NEB: variants seen among roughly 807,000 people sequenced by gnomAD.
NEB encodes nemaline myopathy type 2.
A neutral mutation model predicts 952.2 loss-of-function variants in NEB; 512 were observed. That is an observed-to-expected ratio of 0.54 (90% confidence interval 0.50 to 0.58). The LOEUF (loss-of-function observed/expected upper bound fraction) is 0.58, where lower values mean the gene tolerates loss of function less well. Among genes scored for constraint, NEB ranks in the 20% least tolerant of loss-of-function variants. The pLI is 0.00. For synonymous variants in NEB, 2,900 were observed against 3,149.8 expected, an observed-to-expected ratio of 0.92 and a Z score of 2.66; for missense variants, 8,428 against 9,231.1, an observed-to-expected ratio of 0.91 and a Z score of 3.56.
chr2:151,549,782 C>A, intron 129 of NEB, 42 bp from the exon 130 acceptor site: 1 of 1,185,008 alleles, frequency 8.4e-7, no homozygotes, highest in East Asian at 2.5e-5. Context: ...CATCGGGCAT[C>A]AAGTAACTGA....
intron 105 of NEB, 35 bp from the exon 106 acceptor site, chr2:151,576,389 T>C (rs905251810): frequency 6.6e-7 from 1 of 1,526,194 alleles, no homozygotes; most frequent in Non-Finnish European, 8.9e-7. Context: ...GCAGGGTTTG[T>C]GTTTTGTTGT....
chr2:151,486,044 A>T, intron 181 of NEB, 111 bp from the exon 182 acceptor site: 1 of 1,113,916 alleles, frequency 9.0e-7, no homozygotes, highest in South Asian at 1.5e-5. Context: ...AAGTTGAACA[A>T]AAGAGAATGT....
At chr2:151,574,035 G>A (rs1247170778) in intron 107 of NEB, among the ~76,000 whole-genome samples, 2 of 152,036 alleles carry the variant, frequency 1.3e-5, no homozygotes, top group African/African-American at 2.4e-5. Flanking sequence ...GTACAGTGGC[G>A]TGATCTCGGC....
chr2:151,568,446 G>A (rs551861920), intron 111 of NEB, 29 bp from the exon 112 acceptor site: 1 of 1,569,894 alleles, frequency 6.4e-7, no homozygotes, highest in East Asian at 2.2e-5. Flanking sequence ...GAGGCAAGGG[G>A]GCAAGTTACT....
At chr2:151,719,714 AC>A (rs1243819758) in intron 9 of NEB, among the ~76,000 whole-genome samples, 1 of 152,064 alleles carries the variant, frequency 6.6e-6, no homozygotes, top group Non-Finnish European at 1.5e-5. Flanking sequence ...CCCTGTCTCT[AC>A]CAAAAATACA....
At chr2:151,654,181 G>A in intron 51 of NEB, 82 bp from the exon 52 acceptor site, 2 of 758,024 alleles carry the variant, frequency 2.6e-6, no homozygotes, top group Non-Finnish European at 4.1e-6. Flanking sequence ...TTTACCTACA[G>A]AGTGAATATC....
chr2:151,717,862 T>A (rs1284257708), intron 9 of NEB, among the ~76,000 whole-genome samples: 1 of 151,232 alleles, frequency 6.6e-6, no homozygotes, highest in Non-Finnish European at 1.5e-5. Context: ...GTTCTTTTTT[T>A]TTTTTTTTTG....
rs747751758 is a variant in NEB, at chr2:151,553,865, T to C, written c.19589A>G (p.Asn6530Ser). 2.5e-6 allele frequency: 4 copies of C among 1,613,652 alleles called. No individual in the cohort carries two copies. Among genetic ancestry groups the C allele is most frequent in the Non-Finnish European group, 3.4e-6 (4 of 1,179,638 alleles). Residue 6530 changes from asparagine to serine, a missense_variant, in exon 126 of 182, where the codon AAT becomes AGT. Around this residue, in one of 11 missense-constraint regions of NEB, gnomAD observed 3,374 missense variants for 3,651.5 expected, o/e 0.92. Transcript: ENST00000397345. ...ATCTGTGACTTTCCTGACGTGATCATTGACTTGCAAGTCGGGGTGGCAAAT... is the reference window on the plus strand; with the variant it reads ...ATCTGTGACTTTCCTGACGTGATCACTGACTTGCAAGTCGGGGTGGCAAAT... ...EWICHPDLQV[N>S]DHVRKVTDQI...
Position 151,697,289 on chromosome 2 carries a change from T to C in NEB, c.1366-37A>G, listed in dbSNP as rs780099750. On this transcript the variant is annotated intron_variant, in intron 15 of 181. Coordinates refer to ENST00000397345, the MANE Select transcript of NEB (RefSeq NM_001164508.2). ...AGAAATTAGGCATAAGATGCAGCCA[T>C]TGTATTCATGCCCTGAGAAAAATGT... 1.7e-5 allele frequency: 27 copies of C among 1,608,722 alleles called. No individual in the cohort carries two copies. In the East Asian group the frequency reaches 4.9e-4, roughly 29 times the overall value.
chr2:151,553,408 A>C lies in NEB; in HGVS notation c.19721T>G (p.Leu6574Arg). ...EILHAKHAYD[L>R]RDDIKYKAHM... is the part of the protein sequence containing the mutation. ...ACAAGGCAAACTCACATCATCACGTAGATCATAAGCATGCTTGGCATGGAG... is the reference window on the plus strand; with the variant it reads ...ACAAGGCAAACTCACATCATCACGTCGATCATAAGCATGCTTGGCATGGAG... Residue 6574 changes from leucine to arginine, a missense_variant, in exon 127 of 182, where the codon CTA becomes CGA. Physicochemically the swap from Leu to Arg is moderately radical, Grantham distance 102 (BLOSUM62 -2). Coordinates refer to ENST00000397345, the MANE Select transcript of NEB (RefSeq NM_001164508.2). 2 of 1,611,360 alleles carry C rather than the reference A, an allele frequency of 1.2e-6. No individual in the cohort carries two copies. The highest frequency in any genetic ancestry group is 1.7e-6 in the Non-Finnish European group (2 of 1,177,496).
At chr2:151,719,261 C>T (rs551745393) in intron 9 of NEB, among the ~76,000 whole-genome samples, 1 of 152,344 alleles carries the variant, frequency 6.6e-6, no homozygotes, top group Admixed American at 6.5e-5. Flanking sequence ...TGACTGACAT[C>T]TCAATGTGTG....
chr2:151,511,371 G>A (rs1247279461), intron 161 of NEB, among the ~76,000 whole-genome samples: 1 of 152,138 alleles, frequency 6.6e-6, no homozygotes, highest in African/African-American at 2.4e-5. Context: ...TATTTTTCAT[G>A]TGTAATTTTA....
At chr2:151,677,522 G>T in intron 34 of NEB, 43 bp downstream of exon 34, 1 of 1,429,144 alleles carries the variant, frequency 7.0e-7, no homozygotes, top group Non-Finnish European at 9.4e-7. Context: ...TTTCTAAAAA[G>T]CTTCCTCCAT....
At position 151,672,387 on chromosome 2, in the gene NEB, G is replaced by A; in HGVS notation, c.4281C>T (p.Val1427=). The change falls in exon 37 of 182, where the codon GTC becomes GTT. Residue 1427 remains valine, a synonymous_variant. Transcript: ENST00000397345. ...DAMSLEHTRN[V]NQIQSDNVYK... ...TACTTACATCACTCTGAATTTGATTGACATTCCTCGTATGCTCAAGACTCA... is the reference window on the plus strand; with the variant it reads ...TACTTACATCACTCTGAATTTGATTAACATTCCTCGTATGCTCAAGACTCA... 1 of 1,600,086 alleles carries A rather than the reference G, an allele frequency of 6.2e-7. No homozygotes were observed. Among genetic ancestry groups the A allele is most frequent in the Non-Finnish European group, 8.5e-7 (1 of 1,170,214 alleles).
chr2:151,728,800 G>C (rs915088238), intron 4 of NEB, among the ~76,000 whole-genome samples: 16 of 152,278 alleles, frequency 1.1e-4, no homozygotes, highest in African/African-American at 3.6e-4. Context: ...ATTATGAAAA[G>C]AGAACCTAGT....
At chr2:151,626,698 G>A (rs550456346) in intron 70 of NEB, among the ~76,000 whole-genome samples, 1 of 152,060 alleles carries the variant, frequency 6.6e-6, no homozygotes, top group South Asian at 2.1e-4. Context: ...CACCATGCCC[G>A]GCTAATTTTT....
Position 151,529,250 on chromosome 2 carries a change from T to A in NEB, c.21695A>T (p.His7232Leu). 1 of 1,613,700 alleles carries A rather than the reference T, an allele frequency of 6.2e-7. No individual in the cohort carries two copies. Residue 7232 changes from histidine to leucine, a missense_variant, in exon 146 of 182, where the codon CAT (histidine) becomes CTT (leucine). By Grantham distance (99) the His-to-Leu change is moderately conservative. Coordinates refer to ENST00000397345, the MANE Select transcript of NEB (RefSeq NM_001164508.2). ...SNCTIEPDAV[H>L]IKAAKDAYKV... Reference sequence around the variant, plus strand: ...GTAGGCGTCCTTGGCTGCTTTGATATGAACAGCATCTGGCTCAATGGTGCA... The same window carrying A: ...GTAGGCGTCCTTGGCTGCTTTGATAAGAACAGCATCTGGCTCAATGGTGCA...
intron 144 of NEB, 131 bp downstream of exon 144, chr2:151,531,661 C>T: frequency 1.4e-6 from 1 of 714,372 alleles, no homozygotes; most frequent in Non-Finnish European, 2.5e-6. Flanking sequence ...CATAACAGGA[C>T]ATCTCGCACC....
intron 127 of NEB, among the ~76,000 whole-genome samples, chr2:151,552,980 T>G (rs1333305627): frequency 6.6e-6 from 1 of 152,208 alleles, no homozygotes; most frequent in African/African-American, 2.4e-5. Flanking sequence ...ACTTGATAAC[T>G]ACTCTTCTAG....
Sources: allele counts gnomAD v4.1 joint callset (sites outside exome capture counted in the v4.1 genomes callset), GRCh38; gene constraint gnomAD v4.1.1; regional missense constraint gnomAD v4.1.1; transcripts MANE v1.5; gene names NCBI Gene and HGNC (gene_info 2026-07-23, HGNC 2026-07-21).